The following TLN1 variants were observed in gnomAD, a reference collection of about 807,000 sequenced individuals.
TLN1 encodes talin 1, also known as talin-1.
TLN1 carries 56 observed loss-of-function variants against 292.3 expected under a neutral mutation model. The observed-to-expected ratio is 0.19, with a 90% CI of 0.15 to 0.24. The LOEUF (loss-of-function observed/expected upper bound fraction) is 0.24. Ranked by LOEUF, TLN1 falls within the 10% of genes least tolerant of loss-of-function variation. TLN1 has a pLI of 1.00. For synonymous variants in TLN1, 1,119 were observed against 1,253.7 expected (o/e 0.89, Z 2.27); for missense variants, 2,433 against 3,248.2 (o/e 0.75, Z 6.10).
Position 35,703,568 on chromosome 9 carries a change from C to T in TLN1, c.6466G>A (p.Glu2156Lys). 6.2e-7 allele frequency: 1 copy of T among 1,614,180 alleles called. No homozygotes were observed. Among genetic ancestry groups the T allele is most frequent in the South Asian group, 1.1e-5 (1 of 91,070 alleles). Residue 2156 changes from glutamate to lysine, a missense_variant, in exon 48 of 57, where the codon GAG becomes AAG. Glu to Lys is a moderately conservative substitution (Grantham distance 56). Transcript: ENST00000314888. Reference sequence around the variant, plus strand: ...CCCAGACTCTCACTCACCGCCAGCTCCTGCCGTATGTGTTCTGTGGTTGCC... The same window carrying T: ...CCCAGACTCTCACTCACCGCCAGCTTCTGCCGTATGTGTTCTGTGGTTGCC... ...LEATTEHIRQELAVFCSPEPP... is the reference protein window; with the variant it reads ...LEATTEHIRQKLAVFCSPEPP...
At chr9:35,715,766 T>A (rs1438339642) in intron 20 of TLN1, among the ~76,000 whole-genome samples, 2 of 152,112 alleles carry the variant, frequency 1.3e-5, no homozygotes, top group Admixed American at 6.5e-5. Flanking sequence ...ACCTTGGACT[T>A]AAAGAAAAAG....
chr9:35,717,092 G>T lies in TLN1; in HGVS notation c.2458+54C>A. The stretch of plus-strand genomic sequence containing the variant: ...GGTCCGCAAGGGGATGATGTCCAGT[G>T]GGCTTAGGGAACCCTGGTAGGGTTT... On this transcript the variant is annotated intron_variant, in intron 19 of 56. Transcript: ENST00000314888. The surrounding 1 kb of genome is among the most constrained non-coding windows in gnomAD (Gnocchi z 4.7). 2 of 1,543,474 alleles carry T rather than the reference G, an allele frequency of 1.3e-6. No individual in the cohort carries two copies. The highest frequency in any genetic ancestry group is 8.8e-7 in the Non-Finnish European group (1 of 1,141,700).
At position 35,700,052 on chromosome 9, in the gene TLN1, A is replaced by G. The variant is rs778640666; in HGVS notation, c.6690T>C (p.Pro2230=). 65 of 1,613,234 alleles carry G rather than the reference A, an allele frequency of 4.0e-5. No homozygotes were observed. Among genetic ancestry groups the G allele is most frequent in the Middle Eastern group, 3.3e-4 (2 of 6,058 alleles). ...KEAAYHPEVA[P]DVRLRALHYG... The stretch of plus-strand genomic sequence containing the variant: ...AGTGCAGGGCTCGAAGCCGCACATC[A>G]GGGGCCACTTCTGGGTGGTAAGCTG... The change falls in exon 50 of 57, where the codon CCT becomes CCC. Residue 2230 remains proline (P), a synonymous_variant. Coordinates refer to ENST00000314888, the MANE Select transcript of TLN1 (RefSeq NM_006289.4).
At position 35,713,970 on chromosome 9, in the gene TLN1, G is replaced by C; in HGVS notation, c.3232C>G (p.Pro1078Ala). ...ATACTTACTGTCTCCCCAGGTAAGG[G>C]TTTAAGCTTGCCATCTCGAGCTGCT... ...KAAARDGKLK[P>A]LPGETMEKCT... Residue 1078 changes from proline (P) to alanine (A), a missense_variant, in exon 25 of 57, where the codon CCC (proline) becomes GCC (alanine). Physicochemically the swap from Pro to Ala is conservative, Grantham distance 27 (BLOSUM62 -1). This residue lies in a region of TLN1 where 1,384 missense variants were observed against 1,699.6 expected (regional missense o/e 0.81). Coordinates refer to ENST00000314888, the MANE Select transcript of TLN1 (RefSeq NM_006289.4). The C allele has an allele frequency of 6.2e-7, 1 of 1,614,136 alleles. No homozygotes were observed. The highest frequency in any genetic ancestry group is 8.5e-7 in the Non-Finnish European group (1 of 1,180,024).
chr9:35,709,940 C>T lies in TLN1; in HGVS notation c.4326+621G>A, dbSNP rs1168614723. 3.9e-4 allele frequency among the ~76,000 whole-genome samples: 50 copies of T among 129,176 alleles called. No homozygotes were observed. In the South Asian group the frequency reaches 7.8e-3, roughly 20 times the overall value. The allele number at this position is 129,176 out of a possible 152,430, so 84.7% of individuals were successfully genotyped here. On this transcript the variant is annotated intron_variant, in intron 33 of 56. Transcript: ENST00000314888. ...GAAAGTAGTGATTACAGGCCAGGCG[C>T]GGTGGCTCACGCCTGTAATTCCAGC...
In TLN1 at chr9:35,704,320, T is replaced by C; in HGVS notation, c.6047+12A>G. ...ACCTGTCTGCCTCCCTTAGGCCCAG[T>C]TCCTGTCTTACCGGTGGTCAGCGAA... On this transcript the variant is annotated intron_variant, in intron 45 of 56. Coordinates refer to ENST00000314888, the MANE Select transcript of TLN1 (RefSeq NM_006289.4). This position sits in a 1 kb window ranked among gnomAD's most constrained non-coding sequence, Gnocchi z 6.9. 1.2e-6 allele frequency: 2 copies of C among 1,611,264 alleles called. No homozygotes were observed. The highest frequency in any genetic ancestry group is 1.7e-4 in the Middle Eastern group (1 of 6,040).
Position 35,713,290 on chromosome 9 carries a change from C to G in TLN1, c.3258G>C (p.Lys1086Asn), listed in dbSNP as rs768221303. The change falls in exon 26 of 57, where the codon AAG becomes AAC. Residue 1086 changes from lysine (K) to asparagine (N), a missense_variant. Around this residue, in one of 7 missense-constraint regions of TLN1, gnomAD observed 1,384 missense variants for 1,699.6 expected, o/e 0.81. Coordinates refer to ENST00000314888, the MANE Select transcript of TLN1 (RefSeq NM_006289.4). ...TGCTGTTGCCCAGGTCCTGGGTACA[C>G]TTCTCCATCTAAGGATGAAGGGGGA... Reference protein sequence around the residue: ...LKPLPGETMEKCTQDLGNSTK... With the variant: ...LKPLPGETMENCTQDLGNSTK... The G allele has an allele frequency of 3.1e-6, 5 of 1,589,022 alleles. No individual in the cohort carries two copies. The highest frequency in any genetic ancestry group is 1.3e-5 in the African/African-American group (1 of 74,602).
chr9:35,720,950 A>T, intron 10 of TLN1, 37 bp from the exon 11 acceptor site: 1 of 1,530,710 alleles, frequency 6.5e-7, no homozygotes, highest in South Asian at 1.1e-5. Context: ...GGGAAAGCTC[A>T]AATCTATCCA....
Position 35,718,926 on chromosome 9 carries a change from A to G in TLN1, c.1897-16T>C. On this transcript the variant is annotated splice_polypyrimidine_tract_variant and intron_variant, in intron 16 of 56. Coordinates refer to ENST00000314888, the MANE Select transcript of TLN1 (RefSeq NM_006289.4). ...TCTGACGGGGCTGTGGAGAGTGAAC[A>G]CCAGTCAGAAGCTGCCCAATCCCTG... 3 of 1,609,228 alleles carry G rather than the reference A, an allele frequency of 1.9e-6. No homozygotes were observed. Among genetic ancestry groups the G allele is most frequent in the Non-Finnish European group, 2.5e-6 (3 of 1,177,568 alleles).
chr9:35,724,070 C>T lies in TLN1; in HGVS notation c.664G>A (p.Asp222Asn), dbSNP rs1303627949. The T allele has an allele frequency of 6.2e-7, 1 of 1,613,786 alleles. No individual in the cohort carries two copies. Among genetic ancestry groups the T allele is most frequent in the South Asian group, 1.1e-5 (1 of 91,070 alleles). ...ACAGGGTGGGAGCCATTCAGGATGTCATCTCGTGCCTGGAGAGCACAGGGC... is the reference window on the plus strand; with the variant it reads ...ACAGGGTGGGAGCCATTCAGGATGTTATCTCGTGCCTGGAGAGCACAGGGC... ...LNLLYVQARD[D>N]ILNGSHPVSF... The change falls in exon 7 of 57, where the codon GAC (aspartate) becomes AAC (asparagine). Residue 222 changes from aspartate (D) to asparagine (N), a missense_variant. Asp to Asn is a conservative substitution (Grantham distance 23). Around this residue, in one of 7 missense-constraint regions of TLN1, gnomAD observed 155 missense variants for 287.9 expected, o/e 0.54. Coordinates refer to ENST00000314888, the MANE Select transcript of TLN1 (RefSeq NM_006289.4). The surrounding 1 kb of genome is among the most constrained non-coding windows in gnomAD (Gnocchi z 4.7).
intron 26 of TLN1, 36 bp from the exon 27 acceptor site, chr9:35,713,079 C>A: frequency 6.3e-7 from 1 of 1,577,576 alleles, no homozygotes; most frequent in Non-Finnish European, 8.6e-7. Context: ...AGGGAAGGTG[C>A]TTTCATTGCC....
Position 35,719,911 on chromosome 9 carries a change from T to C in TLN1, c.1465-58A>G. 6.4e-7 allele frequency: 1 copy of C among 1,570,296 alleles called. No individual in the cohort carries two copies. Among genetic ancestry groups the C allele is most frequent in the Non-Finnish European group, 8.7e-7 (1 of 1,154,772 alleles). On this transcript the variant is annotated intron_variant, in intron 13 of 56. Transcript: ENST00000314888. This position sits in a 1 kb window ranked among gnomAD's most constrained non-coding sequence, Gnocchi z 4.6. ...ATGGATGTTTGGAGAAAAGAGAAGG[T>C]AAAAGAGAACCAGGGTCTAGGGAGA...
intron 48 of TLN1, among the ~76,000 whole-genome samples, chr9:35,701,095 T>C (rs1825458432): frequency 6.6e-6 from 1 of 152,144 alleles, no homozygotes; most frequent in African/African-American, 2.4e-5. Context: ...TGAAGCCTGA[T>C]GAACTGGAAG....
rs1056287417 is a variant in TLN1 at position 35,717,062 on chromosome 9, G to A, written c.2458+84C>T. The A allele has an allele frequency of 6.8e-7, 1 of 1,472,818 alleles. No homozygotes were observed. Among genetic ancestry groups the A allele is most frequent in the Non-Finnish European group, 9.2e-7 (1 of 1,092,364 alleles). 91.2% of individuals were successfully genotyped at this position (1,472,818 alleles called of 1,614,324 possible). On this transcript the variant is annotated intron_variant, in intron 19 of 56. Transcript: ENST00000314888. This position sits in a 1 kb window ranked among gnomAD's most constrained non-coding sequence, Gnocchi z 4.7. ...TGTGCTGAGTTCCTTGGGGTGAAGT[G>A]GTTAGGTCCGCAAGGGGATGATGTC... is the stretch of plus-strand genomic sequence containing the variant.
chr9:35,710,335 G>A (rs1371347653), intron 33 of TLN1, among the ~76,000 whole-genome samples: 2 of 151,984 alleles, frequency 1.3e-5, no homozygotes, highest in East Asian at 1.9e-4. Context: ...GTTGGGCAGT[G>A]TAATCCTAAC....
Position 35,719,447 on chromosome 9 carries a change from G to T in TLN1, c.1687+72C>A. 1 of 1,430,640 alleles carries T rather than the reference G, an allele frequency of 7.0e-7. No individual in the cohort carries two copies. The highest frequency in any genetic ancestry group is 9.9e-7 in the Non-Finnish European group (1 of 1,014,610). The allele number at this position is 1,430,640 out of a possible 1,614,324, so 88.6% of individuals were successfully genotyped here. A position where few individuals can be genotyped will look rare whatever the true frequency, so the allele number is the denominator to read the frequency against. ...CAAGGCACAGTCACACATGAAGCCA[G>T]TCACATGCATGCCTGTGCACACTTG... is the stretch of plus-strand genomic sequence containing the variant. On this transcript the variant is annotated intron_variant, in intron 15 of 56. Coordinates refer to ENST00000314888, the MANE Select transcript of TLN1 (RefSeq NM_006289.4). The surrounding 1 kb of genome is among the most constrained non-coding windows in gnomAD (Gnocchi z 4.6).
In TLN1 at chr9:35,705,585, G is replaced by C; in HGVS notation, c.5699C>G (p.Ala1900Gly). 1 of 1,603,646 alleles carries C rather than the reference G, an allele frequency of 6.2e-7. No individual in the cohort carries two copies. The highest frequency in any genetic ancestry group is 8.5e-7 in the Non-Finnish European group (1 of 1,172,326). Residue 1900 changes from alanine to glycine, a missense_variant, in exon 43 of 57, where the codon GCC becomes GGC. Transcript: ENST00000314888. ...TSDYGRLASE[A>G]KPAAVAAENE... The stretch of plus-strand genomic sequence containing the variant: ...TTCAGCAGCCACCGCTGCAGGCTTG[G>C]CCTCCGAGGCCAGACGGCCATAGTC...
chr9:35,705,181 C>G (rs1825543150), intron 43 of TLN1, among the ~76,000 whole-genome samples: 2 of 152,250 alleles, frequency 1.3e-5, no homozygotes, highest in East Asian at 3.9e-4. Context: ...CTGCTAAGAT[C>G]CAATTACTTG....
At chr9:35,731,690 T>G (rs1400146407) in intron 1 of TLN1, among the ~76,000 whole-genome samples, 1 of 152,072 alleles carries the variant, frequency 6.6e-6, no homozygotes, top group Non-Finnish European at 1.5e-5. Flanking sequence ...ACACTAACTC[T>G]TAAGTTTTAA....
Sources: allele counts gnomAD v4.1 joint callset (sites outside exome capture counted in the v4.1 genomes callset), GRCh38; gene constraint gnomAD v4.1.1; regional missense constraint gnomAD v4.1.1; non-coding constraint Gnocchi (gnomAD v3.1); transcripts MANE v1.5; gene names NCBI Gene and HGNC (gene_info 2026-07-23, HGNC 2026-07-21).